Variants in GPATCH2 observed in about 807,000 individuals in gnomAD.
GPATCH2 encodes the protein G-patch domain containing 2, also known as G patch domain-containing protein 2.
Under a neutral mutation model 58.0 loss-of-function variants are expected in GPATCH2, and 51 were observed. The observed-to-expected ratio is 0.88, with a 90% confidence interval of 0.70 to 1.11. The LOEUF (loss-of-function observed/expected upper bound fraction) is 1.11, where lower values mean the gene tolerates loss of function less well. GPATCH2 is among the 50% of genes most tolerant of loss of function. GPATCH2 has a pLI of 0.00. For synonymous variants in GPATCH2, 222 were observed against 218.5 expected (o/e 1.02, Z -0.14); for missense variants, 625 against 652.2 (o/e 0.96, Z 0.45).
At chr1:217,623,879 G>C (rs1052858887) in intron 1 of GPATCH2, among the ~76,000 whole-genome samples, 8 of 151,998 alleles carry the variant, frequency 5.3e-5, no homozygotes, top group Admixed American at 5.2e-4. Flanking sequence ...TCCAGCCTGG[G>C]CGAAAAGAGC....
At chr1:217,540,871 G>C (rs61828860) in intron 5 of GPATCH2, among the ~76,000 whole-genome samples, 3 of 152,090 alleles carry the variant, frequency 2.0e-5, no homozygotes, top group Non-Finnish European at 2.9e-5. Flanking sequence ...CAGAACAATC[G>C]ACCCTTATTT....
At position 217,567,045 on chromosome 1, in the gene GPATCH2, G is replaced by GTTTTTTTTTTTTTTTTTTTTTTTTT. The variant is rs549350813; in HGVS notation, c.1098+43275_1098+43276insAAAAAAAAAAAAAAAAAAAAAAAAA. On this transcript the variant is annotated intron_variant, in intron 5 of 9. Transcript: ENST00000366935. ...CATCACTCAGCAAATATAACTTCTG[G>GTTTTTTTTTTTTTTTTTTTTTTTTT]CTTTTTTTTTTTTTTTTTGAGACGG... is the stretch of plus-strand genomic sequence containing the variant. Among the ~76,000 whole-genome samples, 3 of 140,762 alleles carry GTTTTTTTTTTTTTTTTTTTTTTTTT rather than the reference G, an allele frequency of 2.1e-5. 1 individual carries two copies. Among genetic ancestry groups the GTTTTTTTTTTTTTTTTTTTTTTTTT allele is most frequent in the Non-Finnish European group, 3.1e-5 (2 of 65,432 alleles). 92.3% of individuals were successfully genotyped at this position (140,762 alleles called of 152,430 possible).
At chr1:217,436,936 C>T (rs1658862821) in intron 9 of GPATCH2, among the ~76,000 whole-genome samples, 1 of 152,094 alleles carries the variant, frequency 6.6e-6, no homozygotes, top group Non-Finnish European at 1.5e-5. Context: ...TGGGGAGTTG[C>T]CGGCAAGATG....
intron 7 of GPATCH2, chr1:217,495,083 T>A (rs1661946912): frequency 1.4e-6 from 1 of 697,300 alleles, no homozygotes; most frequent in Admixed American, 6.3e-5. Context: ...GACCTGCAGA[T>A]GTATATTAAA....
chr1:217,566,822 T>C (rs942121994), intron 5 of GPATCH2, among the ~76,000 whole-genome samples: 1 of 152,166 alleles, frequency 6.6e-6, no homozygotes, highest in Non-Finnish European at 1.5e-5. Context: ...ACAGTTAAAA[T>C]AGAATATAGA....
intron 5 of GPATCH2, among the ~76,000 whole-genome samples, chr1:217,520,103 C>G (rs1485309715): frequency 6.6e-6 from 1 of 152,022 alleles, no homozygotes; most frequent in African/African-American, 2.4e-5. Context: ...TGGAAAAATC[C>G]TCATCACTGG....
intron 6 of GPATCH2, among the ~76,000 whole-genome samples, chr1:217,500,430 G>A (rs905074023): frequency 1.2e-4 from 18 of 151,930 alleles, no homozygotes; most frequent in African/African-American, 4.1e-4. Flanking sequence ...TGCACCTCTT[G>A]TTTCCTGTAT....
chr1:217,490,417 T>C lies in GPATCH2; in HGVS notation c.1277+1263A>G, dbSNP rs138288383. On this transcript the variant is annotated intron_variant, in intron 8 of 9. Coordinates refer to ENST00000366935, the MANE Select transcript of GPATCH2 (RefSeq NM_018040.5). ...CTATGGATTTATAACTTTTACCAGG[T>C]TGGGGAATTCTTAGCGACCATCTCA... Among the ~76,000 whole-genome samples, 791 of 152,318 alleles carry C rather than the reference T, an allele frequency of 5.2e-3. 10 individuals carry two copies. Among genetic ancestry groups the C allele is most frequent in the African/African-American group, 0.016 (654 of 41,568 alleles).
intron 5 of GPATCH2, among the ~76,000 whole-genome samples, chr1:217,544,250 C>T (rs893732831): frequency 2.0e-5 from 3 of 152,012 alleles, no homozygotes; most frequent in Admixed American, 6.6e-5. Flanking sequence ...AAAAATTAGC[C>T]GGATGTGGTG....
intron 9 of GPATCH2, among the ~76,000 whole-genome samples, chr1:217,445,055 C>T (rs1414464089): frequency 6.6e-6 from 1 of 151,908 alleles, no homozygotes; most frequent in African/African-American, 2.4e-5. Flanking sequence ...GTTGAAAAGT[C>T]ACAAAAAGCT....
At chr1:217,583,099 ATAGAT>A (rs576089203) in intron 5 of GPATCH2, among the ~76,000 whole-genome samples, 62 of 152,348 alleles carry the variant, frequency 4.1e-4, no homozygotes, top group African/African-American at 1.4e-3. Context: ...TACTAACAGA[ATAGAT>A]TAAACAGCAG....
intron 1 of GPATCH2, among the ~76,000 whole-genome samples, chr1:217,623,303 T>C (rs1669292214): frequency 6.6e-6 from 1 of 152,158 alleles, no homozygotes; most frequent in Non-Finnish European, 1.5e-5. Context: ...AGTTTGGATA[T>C]TACAATTTAG....
chr1:217,624,706 T>A (rs1669367710), intron 1 of GPATCH2, among the ~76,000 whole-genome samples: 1 of 152,260 alleles, frequency 6.6e-6, no homozygotes, highest in Admixed American at 6.5e-5. Flanking sequence ...AGCACTTTTC[T>A]ATACAAATCT....
chr1:217,604,281 G>T (rs1668253388), intron 5 of GPATCH2, among the ~76,000 whole-genome samples: 1 of 151,032 alleles, frequency 6.6e-6, no homozygotes, highest in African/African-American at 2.4e-5. Context: ...AACCCGGGAG[G>T]CAGAGGTTGC....
At chr1:217,457,337 C>T (rs889956499) in intron 8 of GPATCH2, among the ~76,000 whole-genome samples, 6 of 152,194 alleles carry the variant, frequency 3.9e-5, no homozygotes, top group African/African-American at 1.4e-4. Context: ...ATGTTACTTA[C>T]ATTCTCTTTG....
chr1:217,440,504 C>T (rs1659084168), intron 9 of GPATCH2, among the ~76,000 whole-genome samples: 3 of 152,170 alleles, frequency 2.0e-5, no homozygotes, highest in East Asian at 1.9e-4. Flanking sequence ...AGTGGAAGTT[C>T]TGGCCAGGGA....
intron 5 of GPATCH2, among the ~76,000 whole-genome samples, chr1:217,586,786 T>C (rs1667361129): frequency 6.6e-6 from 1 of 152,200 alleles, no homozygotes; most frequent in Non-Finnish European, 1.5e-5. Flanking sequence ...TACTGCACTG[T>C]GAGGTTACAA....
chr1:217,437,855 A>T (rs1328688066), intron 9 of GPATCH2, among the ~76,000 whole-genome samples: 1 of 152,232 alleles, frequency 6.6e-6, no homozygotes, highest in Non-Finnish European at 1.5e-5. Flanking sequence ...AGAGAGCAGC[A>T]GATCTCCCAG....
chr1:217,586,789 G>A (rs1004406538), intron 5 of GPATCH2, among the ~76,000 whole-genome samples: 6 of 152,120 alleles, frequency 3.9e-5, no homozygotes, highest in Non-Finnish European at 8.8e-5. Flanking sequence ...TGCACTGTGA[G>A]GTTACAATGC....
Sources: gnomAD v4.1 joint callset for allele counts (sites outside exome capture counted in the v4.1 genomes callset) on GRCh38, gnomAD v4.1.1 for gene constraint, MANE v1.5 for transcripts, NCBI Gene and HGNC (gene_info 2026-07-23, HGNC 2026-07-21) for gene names.